MFSD12: variants seen among roughly 807,000 people sequenced by gnomAD.
MFSD12 encodes the protein major facilitator superfamily domain containing 12.
A neutral mutation model predicts 51.2 loss-of-function variants in MFSD12; 67 were observed. The observed-to-expected ratio is 1.31, with a 90% CI of 1.08 to 1.60. The LOEUF (loss-of-function observed/expected upper bound fraction) is 1.60, where lower values mean the gene tolerates loss of function less well. Among genes scored for constraint, MFSD12 ranks in the 40% most tolerant of loss-of-function variants. The pLI is 0.00. For missense variants in MFSD12, 921 were observed against 673.0 expected (o/e 1.37, Z -4.08); for synonymous variants, 441 against 316.7 (o/e 1.39, Z -4.17).
chr19:3,548,395 C>T (rs550969533), intron 2 of MFSD12, 128 bp from the exon 3 acceptor site: 13 of 1,276,930 alleles, frequency 1.0e-5, no homozygotes, highest in South Asian at 2.8e-5. Flanking sequence ...CACTGCCACA[C>T]TGGGTGGCCT....
At chr19:3,548,295 C>T (rs1159843657) in intron 2 of MFSD12, 28 bp from the exon 3 acceptor site, 2 of 1,543,736 alleles carry the variant, frequency 1.3e-6, no homozygotes, top group Admixed American at 2.0e-5. Context: ...AGGGACTCAA[C>T]AAGACGCCAG....
intron 1 of MFSD12, among the ~76,000 whole-genome samples, chr19:3,554,985 G>A (rs938691291): frequency 1.3e-5 from 2 of 152,314 alleles, no homozygotes; most frequent in Admixed American, 6.5e-5. Flanking sequence ...TGCCCTCCCC[G>A]AGGCGGGGAA....
Position 3,546,169 on chromosome 19 carries a change from C to T in MFSD12, c.1195-1G>A. 6.2e-7 allele frequency: 1 copy of T among 1,612,928 alleles called. No homozygotes were observed. The highest frequency in any genetic ancestry group is 1.1e-5 in the South Asian group (1 of 91,076). ...AGCCGTACACGAACGCTCCGCTGTT[C>T]TGTGGAGACACAGGCGAGGTGGTCA... On this transcript the variant is annotated splice_acceptor_variant, in intron 7 of 9. Transcript: ENST00000355415. LOFTEE classifies it high-confidence loss of function.
intron 2 of MFSD12, among the ~76,000 whole-genome samples, chr19:3,549,657 A>C (rs1451438382): frequency 6.8e-6 from 1 of 146,436 alleles, no homozygotes; most frequent in Non-Finnish European, 1.5e-5. Context: ...CAGGAGGCAG[A>C]GGTTGCAGTG....
exon 5 of MFSD12, chr19:3,538,429 C>G (rs2030078473): frequency 3.2e-6 from 1 of 316,304 alleles, no homozygotes; most frequent in Non-Finnish European, 6.3e-6. Context: ...CCCATTATGT[C>G]ACCTAGTCAC....
At chr19:3,544,759 T>G in intron 9 of MFSD12, 27 bp from the exon 10 acceptor site, 1 of 1,601,088 alleles carries the variant, frequency 6.2e-7, no homozygotes, top group Non-Finnish European at 8.5e-7. Context: ...GAAATGGCAT[T>G]AGAGAGTGTG....
chr19:3,542,948 C>T (rs2030547075), downstream of MFSD12: 2 of 1,501,902 alleles, frequency 1.3e-6, no homozygotes, highest in Non-Finnish European at 1.8e-6. Context: ...CCCTTGTCCT[C>T]TCCCCTCCCT....
chr19:3,554,654 A>G (rs1206849385), intron 1 of MFSD12, among the ~76,000 whole-genome samples: 1 of 152,136 alleles, frequency 6.6e-6, no homozygotes, highest in Non-Finnish European at 1.5e-5. Flanking sequence ...CATCCGTCAA[A>G]ACCTCAAAGT....
downstream of MFSD12, chr19:3,543,639 G>A (rs1001699239): frequency 2.7e-5 from 41 of 1,543,914 alleles, no homozygotes; most frequent in Non-Finnish European, 3.2e-5. Context: ...CGGTGGGGGA[G>A]CGCGCTGTGG....
intron 2 of MFSD12, among the ~76,000 whole-genome samples, chr19:3,548,849 G>A (rs554419425): frequency 3.9e-5 from 6 of 152,346 alleles, no homozygotes; most frequent in African/African-American, 1.2e-4. Flanking sequence ...GCCCTCAGGG[G>A]CCCTGGGCAT....
intron 5 of MFSD12, 34 bp downstream of exon 5, chr19:3,547,421 T>A (rs2031160214): frequency 2.5e-6 from 4 of 1,610,586 alleles, no homozygotes; most frequent in Non-Finnish European, 3.4e-6. Context: ...GCTGGGGCCG[T>A]CCCATCCCAG....
At chr19:3,550,045 C>A (rs2031381557) in intron 2 of MFSD12, among the ~76,000 whole-genome samples, 2 of 134,356 alleles carry the variant, frequency 1.5e-5, no homozygotes, top group African/African-American at 5.6e-5. Context: ...GCCTCAGAAG[C>A]AGCAGCCACC....
chr19:3,555,946 G>C (rs533223620), intron 1 of MFSD12, among the ~76,000 whole-genome samples: 38 of 152,330 alleles, frequency 2.5e-4, no homozygotes, highest in African/African-American at 7.7e-4. Context: ...CTTATCGATG[G>C]GCACTGGGGC....
At chr19:3,549,132 G>A (rs2031302220) in intron 2 of MFSD12, among the ~76,000 whole-genome samples, 1 of 152,194 alleles carries the variant, frequency 6.6e-6, no homozygotes, top group Non-Finnish European at 1.5e-5. Flanking sequence ...ACTATGCCAG[G>A]CACACGGCAG....
downstream of MFSD12, chr19:3,543,920 C>T: frequency 6.4e-7 from 1 of 1,551,258 alleles, no homozygotes; most frequent in Non-Finnish European, 8.7e-7. Context: ...CGCCCGGCAC[C>T]ACCCAGAACT....
Position 3,544,225 on chromosome 19 carries a change from G to T in MFSD12, c.*485C>A. On this transcript the variant is annotated 3_prime_UTR_variant, in exon 10 of 10. Coordinates refer to ENST00000355415, the MANE Select transcript of MFSD12 (RefSeq NM_174983.5). ...GCCGTCATCTCTTTATTTGCTGCCA[G>T]CAGAGTCCACCAAGCCTGCCGGGCA... is the stretch of plus-strand genomic sequence containing the variant. 1.5e-6 allele frequency: 2 copies of T among 1,333,876 alleles called. No homozygotes were observed. The highest frequency in any genetic ancestry group is 1.9e-6 in the Non-Finnish European group (2 of 1,044,060). The allele number at this position is 1,333,876 out of a possible 1,614,324, so 82.6% of individuals were successfully genotyped here. A position where few individuals can be genotyped will look rare whatever the true frequency, so the allele number is the denominator to read the frequency against.
At chr19:3,539,050 A>T in intron 4 of MFSD12, 1 of 658,174 alleles carries the variant, frequency 1.5e-6, no homozygotes. Flanking sequence ...CCTTCCCTCG[A>T]GGCCACCTCA....
chr19:3,555,282 T>C (rs2031675876), intron 1 of MFSD12, among the ~76,000 whole-genome samples: 1 of 152,164 alleles, frequency 6.6e-6, no homozygotes. Flanking sequence ...CTAATTTTTG[T>C]ACTTTAGTAG....
chr19:3,539,250 C>G, downstream of MFSD12: 1 of 1,549,262 alleles, frequency 6.5e-7, no homozygotes, highest in Non-Finnish European at 8.7e-7. Flanking sequence ...CTTCCCAGCA[C>G]CGCTGTACAG....
Sources: gnomAD v4.1 joint callset for allele counts (sites outside exome capture counted in the v4.1 genomes callset) on GRCh38, gnomAD v4.1.1 for gene constraint, MANE v1.5 for transcripts, NCBI Gene and HGNC (gene_info 2026-07-23, HGNC 2026-07-21) for gene names.